Variants in CDK17 observed in about 807,000 individuals in gnomAD.
The protein encoded by CDK17 is cyclin-dependent kinase 17.
In CDK17, 24 loss-of-function variants were observed where a neutral mutation model predicts 77.6. The observed-to-expected ratio is 0.31, with a 90% confidence interval of 0.22 to 0.44. CDK17 has a LOEUF of 0.44. CDK17 is among the 20% of genes least tolerant of loss of function. The pLI, the probability that CDK17 is intolerant of heterozygous loss-of-function variation, is 1.00. For synonymous variants in CDK17, 203 were observed against 210.4 expected (o/e 0.96, Z 0.30); for missense variants, 429 against 622.5 (o/e 0.69, Z 3.31).
intron 1 of CDK17, among the ~76,000 whole-genome samples, chr12:96,366,947 T>C (rs1953594243): frequency 6.6e-6 from 1 of 152,178 alleles, no homozygotes; most frequent in South Asian, 2.1e-4. Flanking sequence ...TTTCATGACA[T>C]TTCTAACTAA....
intron 1 of CDK17, among the ~76,000 whole-genome samples, chr12:96,356,135 A>G (rs549768530): frequency 3.9e-5 from 6 of 152,342 alleles, no homozygotes; most frequent in Admixed American, 1.3e-4. Flanking sequence ...GGGAGGTGTT[A>G]TATCATTTTC....
intron 11 of CDK17, 65 bp downstream of exon 11, chr12:96,289,102 C>T: frequency 2.7e-6 from 4 of 1,508,078 alleles, no homozygotes; most frequent in Middle Eastern, 3.4e-4. Flanking sequence ...CTTATCAATA[C>T]ATCTTGCATT....
intron 7 of CDK17, 103 bp from the exon 8 acceptor site, chr12:96,297,824 G>A (rs934480679): frequency 1.3e-5 from 8 of 633,754 alleles, no homozygotes; most frequent in Non-Finnish European, 1.7e-5. Context: ...TTAAGTTTAG[G>A]TCTTGGGCGG....
At chr12:96,382,944 C>T (rs1304082025) in intron 1 of CDK17, among the ~76,000 whole-genome samples, 1 of 151,950 alleles carries the variant, frequency 6.6e-6, no homozygotes, top group African/African-American at 2.4e-5. Flanking sequence ...AAAAAAAAAT[C>T]AAAGGCATCT....
chr12:96,355,035 C>T (rs1052507019), intron 1 of CDK17, among the ~76,000 whole-genome samples: 47 of 152,078 alleles, frequency 3.1e-4, no homozygotes, highest in African/African-American at 9.9e-4. Flanking sequence ...TTCTTCAAAA[C>T]CCTACAATGA....
intron 5 of CDK17, among the ~76,000 whole-genome samples, chr12:96,306,547 G>GA (rs1565812308): frequency 1.3e-5 from 2 of 151,848 alleles, no homozygotes; most frequent in East Asian, 3.9e-4. Flanking sequence ...ATTATCCATG[G>GA]AAAAATGAAG....
chr12:96,308,252 A>AAAAG (rs750453479), intron 5 of CDK17, among the ~76,000 whole-genome samples: 1 of 143,496 alleles, frequency 7.0e-6, no homozygotes, highest in Non-Finnish European at 1.5e-5. Context: ...AAAAAAAAAA[A>AAAAG]GTTTTTTAAT....
At chr12:96,339,801 AC>A (rs1159833735) in intron 1 of CDK17, among the ~76,000 whole-genome samples, 1 of 151,880 alleles carries the variant, frequency 6.6e-6, no homozygotes. Flanking sequence ...ATGGTGGTGC[AC>A]GCCTGTAATC....
chr12:96,317,670 A>C (rs1952751396), intron 3 of CDK17, among the ~76,000 whole-genome samples: 1 of 131,662 alleles, frequency 7.6e-6, no homozygotes, highest in African/African-American at 2.7e-5. Context: ...AAGAATTTTC[A>C]ACCCAGAATT....
intron 1 of CDK17, 36 bp from the exon 2 acceptor site, chr12:96,334,901 A>T: frequency 1.1e-6 from 1 of 870,976 alleles, no homozygotes; most frequent in Non-Finnish European, 1.9e-6. Flanking sequence ...CTAAAGCTAT[A>T]AATATTTTAC....
intron 5 of CDK17, among the ~76,000 whole-genome samples, chr12:96,301,489 G>C (rs1952503459): frequency 6.6e-6 from 1 of 152,064 alleles, no homozygotes. Context: ...GGGACTGAGA[G>C]AGCAGAAATA....
chr12:96,366,654 A>T (rs1252602948), intron 1 of CDK17, among the ~76,000 whole-genome samples: 1 of 152,184 alleles, frequency 6.6e-6, no homozygotes, highest in East Asian at 1.9e-4. Context: ...AATCAGTCAG[A>T]TTTTCAACCA....
At chr12:96,360,247 G>T (rs1030765484) in intron 1 of CDK17, among the ~76,000 whole-genome samples, 5 of 152,180 alleles carry the variant, frequency 3.3e-5, no homozygotes, top group Middle Eastern at 3.2e-3. Context: ...AAGGAAACAG[G>T]GTTCACTCTA....
chr12:96,388,981 G>A (rs1257789282), intron 1 of CDK17, among the ~76,000 whole-genome samples: 1 of 151,982 alleles, frequency 6.6e-6, no homozygotes, highest in South Asian at 2.1e-4. Flanking sequence ...ATTCATGAGG[G>A]ATCTGCCCCA....
chr12:96,347,792 A>C (rs1208432803), intron 1 of CDK17, among the ~76,000 whole-genome samples: 1 of 152,232 alleles, frequency 6.6e-6, no homozygotes, highest in Non-Finnish European at 1.5e-5. Context: ...ACAGGCCATA[A>C]GGCAGGCCAT....
At chr12:96,383,695 AT>A (rs1396943230) in intron 1 of CDK17, among the ~76,000 whole-genome samples, 1 of 152,208 alleles carries the variant, frequency 6.6e-6, no homozygotes, top group Admixed American at 6.5e-5. Flanking sequence ...TATTCAATAA[AT>A]CATGTTGGGA....
rs1467921601 is a variant in CDK17, at chr12:96,295,019, TCTC to T, written c.974_976del (p.Gly325del). The stretch of plus-strand genomic sequence containing the variant: ...CATACCAAAATCTGCTAGCTTTAAT[TCTC>T]CTTTCTCATTAATGAGGAGGTTCTG... On this transcript the variant is annotated inframe_deletion, in exon 10 of 17. Coordinates refer to ENST00000261211, the MANE Select transcript of CDK17 (RefSeq NM_002595.5). 1 of 1,611,718 alleles carries T rather than the reference TCTC, an allele frequency of 6.2e-7. No homozygotes were observed. Among genetic ancestry groups the T allele is most frequent in the Admixed American group, 1.7e-5 (1 of 59,540 alleles).
At chr12:96,293,468 T>C (rs1220804221) in intron 10 of CDK17, among the ~76,000 whole-genome samples, 1 of 152,130 alleles carries the variant, frequency 6.6e-6, no homozygotes, top group East Asian at 1.9e-4. Flanking sequence ...ACAACATACA[T>C]ATATGAAGGA....
At chr12:96,305,979 C>T (rs1024887387) in intron 5 of CDK17, among the ~76,000 whole-genome samples, 1 of 152,166 alleles carries the variant, frequency 6.6e-6, no homozygotes, top group Non-Finnish European at 1.5e-5. Context: ...GCCTCAGCCT[C>T]TCAAAGTGGT....
Sources: gnomAD v4.1 joint callset for allele counts (sites outside exome capture counted in the v4.1 genomes callset) on GRCh38, gnomAD v4.1.1 for gene constraint, MANE v1.5 for transcripts, NCBI Gene and HGNC (gene_info 2026-07-23, HGNC 2026-07-21) for gene names.